Variants in HIBCH observed in about 807,000 individuals in gnomAD.
The protein encoded by HIBCH is 3-hydroxyisobutyryl-CoA hydrolase, mitochondrial.
HIBCH carries 50 observed loss-of-function variants against 58.2 expected under a neutral mutation model. That is an observed-to-expected ratio of 0.86 (90% CI 0.68 to 1.09). The LOEUF (loss-of-function observed/expected upper bound fraction) is 1.09. Among genes scored for constraint, HIBCH ranks in the 50% least tolerant of loss-of-function variants. The probability of loss-of-function intolerance (pLI) is 0.00; values close to 1 mark genes in which losing one functional copy is unlikely to be tolerated. For synonymous variants in HIBCH, 151 were observed against 146.9 expected, an observed-to-expected ratio of 1.03 and a Z score of -0.20; for missense variants, 450 against 449.7, an observed-to-expected ratio of 1.00 and a Z score of -0.01.
chr2:190,316,680 A>G (rs2124878660), intron 1 of HIBCH, among the ~76,000 whole-genome samples: 1 of 152,298 alleles, frequency 6.6e-6, no homozygotes, highest in Non-Finnish European at 1.5e-5. Context: ...GCTGCCATCT[A>G]GCCAGCATCT....
intron 5 of HIBCH, among the ~76,000 whole-genome samples, chr2:190,288,194 T>C (rs2256301): frequency 0.73 from 106,930 of 147,344 alleles, 39,342 homozygotes; most frequent in South Asian, 0.76. Context: ...AAGAGCTATG[T>C]CACATTATGG....
At chr2:190,291,301 A>G (rs1687951517) in intron 4 of HIBCH, among the ~76,000 whole-genome samples, 1 of 152,198 alleles carries the variant, frequency 6.6e-6, no homozygotes, top group Admixed American at 6.5e-5. Context: ...TGGAGTTTAG[A>G]CTGATACTAA....
intron 5 of HIBCH, 70 bp from the exon 6 acceptor site, chr2:190,287,708 C>G (rs1293427275): frequency 1.1e-5 from 13 of 1,145,982 alleles, no homozygotes; most frequent in Non-Finnish European, 2.6e-6. Flanking sequence ...AAAAAAAAAC[C>G]CACATTATAT....
At chr2:190,278,728 G>C (rs1687625088) in intron 6 of HIBCH, among the ~76,000 whole-genome samples, 1 of 108,700 alleles carries the variant, frequency 9.2e-6, no homozygotes, top group East Asian at 3.0e-4. Flanking sequence ...AAAAGAGTGA[G>C]ACTCCATCTC....
intron 2 of HIBCH, among the ~76,000 whole-genome samples, chr2:190,307,700 T>C (rs1688449874): frequency 7.9e-6 from 1 of 126,994 alleles, no homozygotes; most frequent in South Asian, 2.8e-4. Flanking sequence ...TAAAATAGAT[T>C]ATGGAGAAAG....
chr2:190,265,121 T>TGAAAAAAAAAAAAAAAAAAAAAAAAA (rs1559042131), intron 6 of HIBCH, among the ~76,000 whole-genome samples: 1 of 43,686 alleles, frequency 2.3e-5, no homozygotes, highest in African/African-American at 1.5e-4. Context: ...AGACTCCGTC[T>TGAAAAAAAAAAAAAAAAAAAAAAAAA]CAAAAAAAAA....
rs1690390935 is a variant in HIBCH, at chr2:190,206,363, C to A, written c.1046-1131G>T. On this transcript the variant is annotated intron_variant, in intron 13 of 13. Coordinates refer to ENST00000359678, the MANE Select transcript of HIBCH (RefSeq NM_014362.4). The surrounding 1 kb of genome is among the most constrained non-coding windows in gnomAD (Gnocchi z 5.1). ...GTGTAAACAAAGAACAACCCCGGCA[C>A]ATTTTTTCCACAAGAATCTCTCTCA... Among the ~76,000 whole-genome samples, 1 of 152,214 alleles carries A rather than the reference C, an allele frequency of 6.6e-6. No homozygotes were observed. The highest frequency in any genetic ancestry group is 1.5e-5 in the Non-Finnish European group (1 of 68,032).
chr2:190,311,714 G>T (rs988700812), intron 1 of HIBCH, among the ~76,000 whole-genome samples: 1 of 152,170 alleles, frequency 6.6e-6, no homozygotes, highest in African/African-American at 2.4e-5. Flanking sequence ...AAATGTCTAA[G>T]AGTAGAGCAT....
intron 8 of HIBCH, among the ~76,000 whole-genome samples, chr2:190,250,709 C>A (rs1199506211): frequency 6.6e-6 from 1 of 152,108 alleles, no homozygotes; most frequent in Non-Finnish European, 1.5e-5. Flanking sequence ...GAATCTTTGG[C>A]CAAACATGAT....
At chr2:190,246,591 T>G (rs1296355587) in intron 9 of HIBCH, among the ~76,000 whole-genome samples, 1 of 152,244 alleles carries the variant, frequency 6.6e-6, no homozygotes, top group Non-Finnish European at 1.5e-5. Flanking sequence ...TGCCTGCAGC[T>G]GTGACCTTCA....
Position 190,281,430 on chromosome 2 carries a change from C to T in HIBCH, c.438+6156G>A, listed in dbSNP as rs1687701554. On this transcript the variant is annotated intron_variant, in intron 6 of 13. Coordinates refer to ENST00000359678, the MANE Select transcript of HIBCH (RefSeq NM_014362.4). The surrounding 1 kb of genome is among the most constrained non-coding windows in gnomAD (Gnocchi z 5.4). The stretch of plus-strand genomic sequence containing the variant: ...TCTGGGAGCAGAGGCCCAAGCAGCC[C>T]CGGGCGGTAAGCTTATAGGGGGAGG... Among the ~76,000 whole-genome samples, 1 of 152,100 alleles carries T rather than the reference C, an allele frequency of 6.6e-6. No homozygotes were observed. The highest frequency in any genetic ancestry group is 1.5e-5 in the Non-Finnish European group (1 of 68,026).
rs777351983 is a variant in HIBCH at position 190,319,743 on chromosome 2, T to C, written c.8A>G (p.Gln3Arg). The C allele has an allele frequency of 3.7e-6, 6 of 1,612,828 alleles. No individual in the cohort carries two copies. Among genetic ancestry groups the C allele is most frequent in the South Asian group, 1.1e-5 (1 of 90,624 alleles). Residue 3 changes from glutamine (Q) to arginine (R), a missense_variant, in exon 1 of 14, where the codon CAG becomes CGG. Gln to Arg is a conservative substitution (Grantham distance 43). Transcript: ENST00000359678. ...CGACATGAGCCTCCACATCTCGCGC[T>C]GCCCCATCGCCAAACACTCCGAAGC... MGQREMWRLMSRF... is the reference protein window; with the variant it reads MGRREMWRLMSRF...
rs1310460440 is a variant in HIBCH, at chr2:190,217,003, G to A, written c.892-3928C>T. Reference sequence around the variant, plus strand: ...ATGGTGTCTTCAAAGCAAACAATGAGGAAGTGAGGGTGGAGCCAGGGATGC... The same window carrying A: ...ATGGTGTCTTCAAAGCAAACAATGAAGAAGTGAGGGTGGAGCCAGGGATGC... On this transcript the variant is annotated intron_variant, in intron 11 of 13. Coordinates refer to ENST00000359678, the MANE Select transcript of HIBCH (RefSeq NM_014362.4). The surrounding 1 kb of genome is among the most constrained non-coding windows in gnomAD (Gnocchi z 4.6). Among the ~76,000 whole-genome samples, 1 of 152,222 alleles carries A rather than the reference G, an allele frequency of 6.6e-6. No homozygotes were observed. Among genetic ancestry groups the A allele is most frequent in the African/African-American group, 2.4e-5 (1 of 41,448 alleles).
At chr2:190,318,627 T>C (rs190676954) in intron 1 of HIBCH, among the ~76,000 whole-genome samples, 3 of 152,290 alleles carry the variant, frequency 2.0e-5, no homozygotes, top group East Asian at 3.9e-4. Context: ...CCAAGCTGAA[T>C]TGTGGAAATG....
chr2:190,245,472 A>T (rs1237276146), intron 10 of HIBCH: 1 of 155,576 alleles, frequency 6.4e-6, no homozygotes, highest in Non-Finnish European at 1.4e-5. Context: ...ACTAATATAA[A>T]TTCAAATCAC....
At chr2:190,220,657 G>A (rs745951725) in intron 11 of HIBCH, among the ~76,000 whole-genome samples, 1 of 151,698 alleles carries the variant, frequency 6.6e-6, no homozygotes, top group Non-Finnish European at 1.5e-5. Flanking sequence ...AAGGCAGTCT[G>A]CATACTGTGC....
chr2:190,224,667 C>T (rs1410696363), intron 11 of HIBCH, among the ~76,000 whole-genome samples: 1 of 152,308 alleles, frequency 6.6e-6, no homozygotes, highest in East Asian at 1.9e-4. Context: ...GAGACTCAGA[C>T]TCCCACACAA....
chr2:190,192,362 A>T (rs1486643102), intron 1 of HIBCH, among the ~76,000 whole-genome samples: 1 of 151,870 alleles, frequency 6.6e-6, no homozygotes, highest in Non-Finnish European at 1.5e-5. Flanking sequence ...GTCATTCTTA[A>T]CATTAGATAA....
chr2:190,241,692 G>C (rs1051360246), intron 11 of HIBCH, among the ~76,000 whole-genome samples: 3 of 152,140 alleles, frequency 2.0e-5, no homozygotes, highest in Admixed American at 2.0e-4. Context: ...TGCTCATCTG[G>C]AAAGGATTTC....
Sources: allele counts gnomAD v4.1 joint callset (sites outside exome capture counted in the v4.1 genomes callset), GRCh38; gene constraint gnomAD v4.1.1; non-coding constraint Gnocchi (gnomAD v3.1); transcripts MANE v1.5; gene names NCBI Gene and HGNC (gene_info 2026-07-23, HGNC 2026-07-21).